Variants in NBAS observed in about 807,000 individuals in gnomAD.
NBAS encodes the protein NAG/BC035112 fusion.
In NBAS, 219 loss-of-function variants were observed where a neutral mutation model predicts 302.5. The ratio of observed to expected loss-of-function variants is 0.72; its 90% CI spans 0.65 to 0.81. The LOEUF (loss-of-function observed/expected upper bound fraction) is 0.81, where lower values mean the gene tolerates loss of function less well. Ranked by LOEUF, NBAS falls within the 30% of genes least tolerant of loss-of-function variation. NBAS has a pLI of 0.00. For synonymous variants in NBAS, 1,118 were observed against 1,021.6 expected, an observed-to-expected ratio of 1.09 and a Z score of -1.80; for missense variants, 2,932 against 2,841.6, an observed-to-expected ratio of 1.03 and a Z score of -0.72.
the NBAS span, among the ~76,000 whole-genome samples, chr2:14,992,878 A>T: frequency 3.9e-5 from 6 of 152,188 alleles, no homozygotes; most frequent in African/African-American, 1.4e-4. Context: ...AGGAGAGCGA[A>T]GCCACACACC....
chr2:15,132,384 G>C, the NBAS span, among the ~76,000 whole-genome samples: 2 of 152,152 alleles, frequency 1.3e-5, no homozygotes, highest in Admixed American at 1.3e-4. Context: ...CATGGAGAAA[G>C]TAAAAAGATC....
chr2:15,041,277 C>T, the NBAS span, among the ~76,000 whole-genome samples: 2 of 152,220 alleles, frequency 1.3e-5, no homozygotes, highest in African/African-American at 4.8e-5. Context: ...AGAAGTGAGC[C>T]AGTATCCATG....
chr2:15,047,848 G>T, the NBAS span, among the ~76,000 whole-genome samples: 1 of 152,250 alleles, frequency 6.6e-6, no homozygotes, highest in South Asian at 2.1e-4. Context: ...GTGACGTCAG[G>T]CAAGTTACCT....
intron 5 of NBAS, 117 bp from the exon 6 acceptor site, chr2:15,551,653 T>C (rs1664391036): frequency 2.9e-6 from 2 of 684,940 alleles, no homozygotes; most frequent in East Asian, 5.6e-5. Context: ...ATATCTCCTC[T>C]CAGACATGGT....
intron 9 of NBAS, among the ~76,000 whole-genome samples, chr2:15,520,452 T>G (rs1662610708): frequency 6.6e-6 from 1 of 152,106 alleles, no homozygotes; most frequent in Non-Finnish European, 1.5e-5. Context: ...TACGCCTTAC[T>G]TTCTACCTCC....
intron 48 of NBAS, among the ~76,000 whole-genome samples, chr2:15,195,174 T>C (rs76778097): frequency 3.9e-5 from 6 of 152,292 alleles, no homozygotes; most frequent in African/African-American, 1.2e-4. Context: ...AAAATTCATG[T>C]TGAAATTTAA....
chr2:15,475,904 T>C, intron 13 of NBAS, 24 bp from the exon 14 acceptor site: 1 of 1,565,144 alleles, frequency 6.4e-7, no homozygotes, highest in Non-Finnish European at 8.8e-7. Flanking sequence ...AACAAATCAA[T>C]ACAAATGCAT....
chr2:15,214,505 T>C (rs1666565895), intron 48 of NBAS, among the ~76,000 whole-genome samples: 2 of 152,254 alleles, frequency 1.3e-5, no homozygotes, highest in African/African-American at 2.4e-5. Context: ...GTATGACTGC[T>C]GAACTGGGGA....
At chr2:14,973,113 CA>C in the NBAS span, among the ~76,000 whole-genome samples, 10 of 152,140 alleles carry the variant, frequency 6.6e-5, no homozygotes, top group Non-Finnish European at 1.5e-4. Flanking sequence ...TGACTGATCG[CA>C]ACATAAAGGC....
intron 32 of NBAS, among the ~76,000 whole-genome samples, chr2:15,362,328 A>AG (rs2148329713): frequency 6.7e-6 from 1 of 149,498 alleles, no homozygotes; most frequent in East Asian, 2.0e-4. Flanking sequence ...AAAAAAAAAA[A>AG]AGAAAGAAAA....
the NBAS span, among the ~76,000 whole-genome samples, chr2:15,146,295 C>T: frequency 0.018 from 2,673 of 152,170 alleles, 91 homozygotes; most frequent in African/African-American, 0.062. Flanking sequence ...GTACCTAGTA[C>T]GCACTTAAAA....
rs972176948 is a variant in NBAS, at chr2:15,235,366, A to G, written c.5944-619T>C. ...AGTCTATTCCCCTGCCCTAGGCCAC[A>G]CTGCCTGCCTCTCTTTGATAAGATC... On this transcript the variant is annotated intron_variant, in intron 45 of 51. Coordinates refer to ENST00000281513, the MANE Select transcript of NBAS (RefSeq NM_015909.4). Among the ~76,000 whole-genome samples the G allele has an allele frequency of 3.3e-5, 5 of 152,328 alleles. No homozygotes were observed. The East Asian group carries it at 9.6e-4, about 29-fold the overall frequency.
At chr2:15,363,520 A>C (rs1385269696) in intron 32 of NBAS, among the ~76,000 whole-genome samples, 1 of 152,204 alleles carries the variant, frequency 6.6e-6, no homozygotes, top group African/African-American at 2.4e-5. Flanking sequence ...AGTGTCAAAA[A>C]AGGTGGAAAC....
the NBAS span, among the ~76,000 whole-genome samples, chr2:15,055,750 G>A: frequency 3.3e-5 from 5 of 152,274 alleles, no homozygotes; most frequent in African/African-American, 1.2e-4. Context: ...CATGGCAATG[G>A]GAGTCGGGTT....
At chr2:15,559,659 T>A (rs984087063) in intron 1 of NBAS, among the ~76,000 whole-genome samples, 1 of 152,208 alleles carries the variant, frequency 6.6e-6, no homozygotes, top group Non-Finnish European at 1.5e-5. Flanking sequence ...CAAGAGCTTA[T>A]AATTCAACAG....
chr2:15,406,116 C>CAAAAAAAAGAAAAAAAAAAAAAAA (rs772651880), intron 25 of NBAS, among the ~76,000 whole-genome samples: 1 of 134,526 alleles, frequency 7.4e-6, no homozygotes, highest in Non-Finnish European at 1.6e-5. Context: ...AAAAAAAAAA[C>CAAAAAAAAGAAAAAAAAAAAAAAA]AAAACAAAAA....
At chr2:15,219,867 G>A (rs1417205883) in intron 47 of NBAS, among the ~76,000 whole-genome samples, 4 of 145,526 alleles carry the variant, frequency 2.7e-5, no homozygotes, top group Admixed American at 7.3e-5. Context: ...GTCGTGGCCG[G>A]GCAGAGGGGC....
At chr2:15,309,784 A>C (rs1157927359) in intron 38 of NBAS, among the ~76,000 whole-genome samples, 1 of 152,326 alleles carries the variant, frequency 6.6e-6, no homozygotes, top group East Asian at 1.9e-4. Flanking sequence ...GTATGTCTTA[A>C]AATATCCCAA....
chr2:14,819,404 ACT>A, the NBAS span, among the ~76,000 whole-genome samples: 3 of 152,176 alleles, frequency 2.0e-5, no homozygotes, highest in Non-Finnish European at 4.4e-5. Context: ...TTTCCAGTTG[ACT>A]CTTTTATGTA....
Sources: gnomAD v4.1 joint callset for allele counts (sites outside exome capture counted in the v4.1 genomes callset) on GRCh38, gnomAD v4.1.1 for gene constraint, MANE v1.5 for transcripts, NCBI Gene and HGNC (gene_info 2026-07-23, HGNC 2026-07-21) for gene names.